The following LRFN5 variants were observed in gnomAD, a reference collection of about 807,000 sequenced individuals.
LRFN5 encodes leucine-rich repeat and fibronectin type-III domain-containing protein 5.
Under a neutral mutation model 45.6 loss-of-function variants are expected in LRFN5, and 24 were observed. The observed-to-expected ratio is 0.53, with a 90% CI of 0.38 to 0.74. LRFN5 has a LOEUF of 0.74. Among genes scored for constraint, LRFN5 ranks in the 30% least tolerant of loss-of-function variants. LRFN5 has a pLI of 0.00. For missense variants in LRFN5, 776 were observed against 861.5 expected, an observed-to-expected ratio of 0.90 and a Z score of 1.24; for synonymous variants, 340 against 313.8, an observed-to-expected ratio of 1.08 and a Z score of -0.88.
chr14:41,882,397 CCT>C (rs376298230), intron 2 of LRFN5, among the ~76,000 whole-genome samples: 82 of 152,280 alleles, frequency 5.4e-4, no homozygotes, highest in African/African-American at 1.9e-3. Context: ...CTCTCCCTCC[CCT>C]CTGTCAGTCC....
intron 2 of LRFN5, among the ~76,000 whole-genome samples, chr14:41,815,684 A>G (rs1168944639): frequency 1.3e-5 from 2 of 152,088 alleles, no homozygotes; most frequent in Non-Finnish European, 2.9e-5. Flanking sequence ...GCTGCACTCC[A>G]GCCTGAGTGC....
intron 2 of LRFN5, among the ~76,000 whole-genome samples, chr14:41,775,252 G>T (rs1016257373): frequency 1.3e-5 from 2 of 151,718 alleles, no homozygotes; most frequent in Admixed American, 6.6e-5. Context: ...CACCAGGCCC[G>T]GCTAATTTTT....
intron 1 of LRFN5, among the ~76,000 whole-genome samples, chr14:41,672,559 T>A (rs928745287): frequency 1.3e-5 from 2 of 152,208 alleles, no homozygotes; most frequent in African/African-American, 4.8e-5. Context: ...AGTAGACTAT[T>A]AGAATCAATA....
chr14:41,858,909 T>G (rs1257922919), intron 2 of LRFN5, among the ~76,000 whole-genome samples: 1 of 152,234 alleles, frequency 6.6e-6, no homozygotes, highest in East Asian at 1.9e-4. Flanking sequence ...TTAGTTTTCC[T>G]TCCAAATGGT....
rs115492185 is a variant in LRFN5, at chr14:41,644,877, T to C, written c.-197+36315T>C. ...ACACAAGATCAGAGAATCTTTAAAA[T>C]GAGATGGGAATAAATTTCAGGGATC... On this transcript the variant is annotated intron_variant, in intron 1 of 5. Transcript: ENST00000298119. Among the ~76,000 whole-genome samples, 1,419 of 152,236 alleles carry C rather than the reference T, an allele frequency of 9.3e-3. 21 individuals are homozygous for C. The highest frequency in any genetic ancestry group is 0.032 in the African/African-American group (1,312 of 41,552).
intron 2 of LRFN5, among the ~76,000 whole-genome samples, chr14:41,811,728 G>T (rs1331354804): frequency 6.6e-6 from 1 of 152,036 alleles, no homozygotes; most frequent in Non-Finnish European, 1.5e-5. Flanking sequence ...TACAGAGAAA[G>T]AAGAACTAGT....
intron 1 of LRFN5, among the ~76,000 whole-genome samples, chr14:41,627,742 A>G (rs931163924): frequency 4.6e-5 from 7 of 152,304 alleles, no homozygotes; most frequent in Admixed American, 1.3e-4. Flanking sequence ...GAGACATTTG[A>G]ATGGGGCTAA....
intron 2 of LRFN5, among the ~76,000 whole-genome samples, chr14:41,781,661 GAAAGGAAA>G (rs1566437514): frequency 1.4e-5 from 2 of 146,512 alleles, no homozygotes; most frequent in South Asian, 2.2e-4. Flanking sequence ...AAGAAAGAAA[GAAAGGAAA>G]GAAAGAAAGA....
intron 2 of LRFN5, among the ~76,000 whole-genome samples, chr14:41,787,547 AT>A (rs1257045608): frequency 7.2e-5 from 11 of 151,938 alleles, no homozygotes; most frequent in Non-Finnish European, 1.0e-4. Flanking sequence ...ATGGAAAAAA[AT>A]ATATCAGTCT....
chr14:41,750,101 C>G (rs1388877385), intron 1 of LRFN5, among the ~76,000 whole-genome samples: 2 of 151,646 alleles, frequency 1.3e-5, no homozygotes, highest in African/African-American at 4.8e-5. Context: ...GTCCTTAGCT[C>G]CAAAATAAAC....
rs142859391 is a variant in LRFN5, at chr14:41,874,436, C to T, written c.-20-12170C>T. On this transcript the variant is annotated intron_variant, in intron 2 of 5. Transcript: ENST00000298119. ...CTTCAGGTTTGACATTGATAGGGAGCAACAGGGCAATATCACAGCAACAAT... is the reference window on the plus strand; with the variant it reads ...CTTCAGGTTTGACATTGATAGGGAGTAACAGGGCAATATCACAGCAACAAT... Among the ~76,000 whole-genome samples the T allele has an allele frequency of 4.7e-3, 709 of 152,264 alleles. 7 individuals are homozygous for T. The highest frequency in any genetic ancestry group is 8.4e-3 in the Non-Finnish European group (570 of 68,004).
intron 1 of LRFN5, among the ~76,000 whole-genome samples, chr14:41,654,553 G>A (rs1319138902): frequency 1.3e-5 from 2 of 152,014 alleles, no homozygotes; most frequent in Non-Finnish European, 2.9e-5. Context: ...TTCAGGTTTG[G>A]AGCAGAAGGA....
intron 1 of LRFN5, among the ~76,000 whole-genome samples, chr14:41,730,815 A>C (rs1884140668): frequency 6.6e-6 from 1 of 151,892 alleles, no homozygotes; most frequent in Admixed American, 6.6e-5. Flanking sequence ...TTTTGTTAAC[A>C]AAAGATGAGA....
chr14:41,812,659 T>C (rs550457662), intron 2 of LRFN5, among the ~76,000 whole-genome samples: 7 of 151,896 alleles, frequency 4.6e-5, no homozygotes, highest in Admixed American at 2.6e-4. Flanking sequence ...TTGAAAGAGA[T>C]TGTAATTAAA....
At chr14:41,674,178 C>T (rs1195249569) in intron 1 of LRFN5, among the ~76,000 whole-genome samples, 50 of 120,040 alleles carry the variant, frequency 4.2e-4, no homozygotes, top group East Asian at 1.2e-3. Flanking sequence ...ACCTCCCAGA[C>T]GGGGCGGCTG....
chr14:41,872,463 C>T (rs1890051695), intron 2 of LRFN5, among the ~76,000 whole-genome samples: 2 of 152,046 alleles, frequency 1.3e-5, no homozygotes, highest in Non-Finnish European at 2.9e-5. Flanking sequence ...CTATAAATAA[C>T]AGACTTTTCA....
At chr14:41,644,338 T>C (rs1336977519) in intron 1 of LRFN5, among the ~76,000 whole-genome samples, 1 of 152,226 alleles carries the variant, frequency 6.6e-6, no homozygotes, top group Non-Finnish European at 1.5e-5. Context: ...TATTAGATAA[T>C]GTCTTACATC....
intron 2 of LRFN5, among the ~76,000 whole-genome samples, chr14:41,780,470 G>A (rs1022944499): frequency 1.1e-4 from 16 of 151,854 alleles, no homozygotes; most frequent in African/African-American, 1.7e-4. Context: ...CTCTGAAGTC[G>A]GCTTTGTCTG....
intron 1 of LRFN5, among the ~76,000 whole-genome samples, chr14:41,618,770 G>C (rs995107668): frequency 1.3e-5 from 2 of 152,050 alleles, no homozygotes; most frequent in African/African-American, 4.8e-5. Context: ...AAAAAGCCTG[G>C]CTCTCTTTTT....
Sources: gnomAD v4.1 joint callset for allele counts (sites outside exome capture counted in the v4.1 genomes callset) on GRCh38, gnomAD v4.1.1 for gene constraint, MANE v1.5 for transcripts, NCBI Gene and HGNC (gene_info 2026-07-23, HGNC 2026-07-21) for gene names.